KIF6: variants seen among roughly 807,000 people sequenced by gnomAD.
The protein encoded by KIF6 is kinesin-like protein KIF6.
In KIF6, 106 loss-of-function variants were observed where a neutral mutation model predicts 112.7. That is an observed-to-expected ratio of 0.94 (90% CI 0.80 to 1.11). The LOEUF is 1.11. KIF6 is among the 50% of genes least tolerant of loss of function. KIF6 has a pLI of 0.00. For missense variants in KIF6, 929 were observed against 964.0 expected (o/e 0.96, Z 0.48); for synonymous variants, 339 against 339.9 (o/e 1.00, Z 0.03).
rs562431275 is a variant in KIF6 at position 39,584,843 on chromosome 6, C to T, written c.1077+55G>A. 20 of 1,114,806 alleles carry T rather than the reference C, an allele frequency of 1.8e-5. No individual in the cohort carries two copies. In the East Asian group the frequency reaches 4.3e-4, roughly 24 times the overall value. 69.1% of individuals were successfully genotyped at this position (1,114,806 alleles called of 1,614,324 possible). On this transcript the variant is annotated intron_variant, in intron 9 of 22. Transcript: ENST00000287152. ...GAGCAAGTGCACCTACAAGTTTTAGCTAATCTTTGATATACTTTAATATAT... is the reference window on the plus strand; with the variant it reads ...GAGCAAGTGCACCTACAAGTTTTAGTTAATCTTTGATATACTTTAATATAT...
chr6:39,465,169 C>T (rs1251836248), intron 13 of KIF6, among the ~76,000 whole-genome samples: 1 of 152,158 alleles, frequency 6.6e-6, no homozygotes, highest in Non-Finnish European at 1.5e-5. Flanking sequence ...CCCATGTCTG[C>T]ACATGCCTTG....
chr6:39,692,494 A>G (rs1281006454), intron 3 of KIF6, among the ~76,000 whole-genome samples: 1 of 152,212 alleles, frequency 6.6e-6, no homozygotes, highest in Non-Finnish European at 1.5e-5. Flanking sequence ...GGTCACTATA[A>G]TAGATATTCA....
intron 10 of KIF6, among the ~76,000 whole-genome samples, chr6:39,549,615 C>A (rs1327573969): frequency 6.6e-6 from 1 of 152,172 alleles, no homozygotes; most frequent in Non-Finnish European, 1.5e-5. Context: ...CCCACACCTG[C>A]AAGCATTCAT....
intron 3 of KIF6, among the ~76,000 whole-genome samples, chr6:39,644,562 A>T (rs968159578): frequency 1.3e-5 from 2 of 152,188 alleles, no homozygotes; most frequent in African/African-American, 4.8e-5. Context: ...CAGTCAAAAA[A>T]GATGATATAT....
intron 16 of KIF6, among the ~76,000 whole-genome samples, chr6:39,376,390 G>A (rs1003382547): frequency 4.6e-5 from 7 of 152,330 alleles, no homozygotes; most frequent in Admixed American, 1.3e-4. Flanking sequence ...GAGTGCTAGA[G>A]ATTCATCTGT....
At chr6:39,572,111 T>C (rs1370879938) in intron 10 of KIF6, among the ~76,000 whole-genome samples, 2 of 152,094 alleles carry the variant, frequency 1.3e-5, no homozygotes, top group East Asian at 3.8e-4. Context: ...CTGAAAAGAG[T>C]GCATAGATCA....
At chr6:39,347,803 C>T (rs1297285572) in intron 19 of KIF6, among the ~76,000 whole-genome samples, 3 of 152,242 alleles carry the variant, frequency 2.0e-5, no homozygotes, top group Non-Finnish European at 4.4e-5. Context: ...TTCCGCCTTC[C>T]GATCTCAGCC....
At chr6:39,478,832 C>A (rs1774615712) in intron 13 of KIF6, among the ~76,000 whole-genome samples, 1 of 150,410 alleles carries the variant, frequency 6.6e-6, no homozygotes, top group Admixed American at 6.7e-5. Flanking sequence ...GTGGTTTGAT[C>A]TGCATTTCCC....
In KIF6 at chr6:39,334,025, T is replaced by C. The variant is rs1262242659; in HGVS notation, c.*2507A>G. 2.6e-5 allele frequency: 4 copies of C among 152,368 alleles called. No individual in the cohort carries two copies. Among genetic ancestry groups the C allele is most frequent in the Middle Eastern group, 3.4e-3 (1 of 294 alleles). 9.4% of individuals were successfully genotyped at this position (152,368 alleles called of 1,614,324 possible). A position where few individuals can be genotyped will look rare whatever the true frequency, so the allele number is the denominator to read the frequency against. ...TGGGAAGGTGCACTGCTGTCAAGCA[T>C]GTGTCCATATCAAAGGCTGGGCTTC... On this transcript the variant is annotated 3_prime_UTR_variant, in exon 23 of 23. Coordinates refer to ENST00000287152, the MANE Select transcript of KIF6 (RefSeq NM_145027.6).
At chr6:39,390,837 G>GT (rs575050180) in intron 15 of KIF6, among the ~76,000 whole-genome samples, 188 of 152,236 alleles carry the variant, frequency 1.2e-3, no homozygotes, top group Admixed American at 4.6e-3. Context: ...GTGAGAAGCA[G>GT]TTTTTTTGGT....
intron 13 of KIF6, among the ~76,000 whole-genome samples, chr6:39,510,505 T>TAAA: frequency 6.6e-6 from 1 of 152,224 alleles, no homozygotes; most frequent in Middle Eastern, 3.4e-3. Context: ...CTAAGAGATT[T>TAAA]TGTCACCACC....
chr6:39,566,700 G>A (rs1210194813), intron 10 of KIF6, among the ~76,000 whole-genome samples: 2 of 152,190 alleles, frequency 1.3e-5, no homozygotes, highest in East Asian at 1.9e-4. Context: ...AGAAGCAGAT[G>A]TAATTTAGAT....
At chr6:39,704,557 G>T (rs1789076249) in intron 3 of KIF6, among the ~76,000 whole-genome samples, 1 of 152,126 alleles carries the variant, frequency 6.6e-6, no homozygotes, top group Non-Finnish European at 1.5e-5. Flanking sequence ...GGCAGAGGTT[G>T]CAGTGAGCCA....
chr6:39,477,729 C>T lies in KIF6; in HGVS notation c.1646-46568G>A, dbSNP rs183121992. The stretch of plus-strand genomic sequence containing the variant: ...TACAAAAATTAGCGGGGCGTGGTGG[C>T]GCACTTCTGTAGTCCCAGCTACTCG... On this transcript the variant is annotated intron_variant, in intron 13 of 22. Transcript: ENST00000287152. Among the ~76,000 whole-genome samples, 178 of 152,106 alleles carry T rather than the reference C, an allele frequency of 1.2e-3. 1 individual carries two copies. Among genetic ancestry groups the T allele is most frequent in the African/African-American group, 3.8e-3 (157 of 41,492 alleles).
chr6:39,593,772 T>C (rs1561845784), intron 7 of KIF6, among the ~76,000 whole-genome samples: 1 of 152,194 alleles, frequency 6.6e-6, no homozygotes, highest in Non-Finnish European at 1.5e-5. Context: ...GGCTCGCCTC[T>C]ATTCATTCCT....
chr6:39,365,923 G>C (rs905352020), intron 16 of KIF6, among the ~76,000 whole-genome samples: 1 of 152,190 alleles, frequency 6.6e-6, no homozygotes, highest in Non-Finnish European at 1.5e-5. Context: ...AGGTAGGGGG[G>C]ACGGCCAGGG....
At chr6:39,564,250 T>C (rs917053674) in intron 10 of KIF6, among the ~76,000 whole-genome samples, 6 of 152,210 alleles carry the variant, frequency 3.9e-5, no homozygotes, top group Non-Finnish European at 7.3e-5. Flanking sequence ...AGGCAGTAGC[T>C]ACCTTGACCA....
At chr6:39,545,936 C>A (rs1478353002) in intron 10 of KIF6, among the ~76,000 whole-genome samples, 1 of 152,296 alleles carries the variant, frequency 6.6e-6, no homozygotes, top group East Asian at 1.9e-4. Context: ...CATTTGATTT[C>A]TATGGTCCAT....
chr6:39,408,704 G>T (rs148463512), intron 15 of KIF6, among the ~76,000 whole-genome samples: 1 of 152,120 alleles, frequency 6.6e-6, no homozygotes, highest in Non-Finnish European at 1.5e-5. Context: ...ATTGTTGAAA[G>T]TGGCTACTCT....
Sources: gnomAD v4.1 joint callset for allele counts (sites outside exome capture counted in the v4.1 genomes callset) on GRCh38, gnomAD v4.1.1 for gene constraint, MANE v1.5 for transcripts, NCBI Gene and HGNC (gene_info 2026-07-23, HGNC 2026-07-21) for gene names.